Variants in RASSF5 observed in about 807,000 individuals in gnomAD.
The protein encoded by RASSF5 is ras association domain-containing protein 5.
Under a neutral mutation model 40.5 loss-of-function variants are expected in RASSF5, and 25 were observed. The observed-to-expected ratio is 0.62, with a 90% confidence interval of 0.45 to 0.86. The LOEUF (loss-of-function observed/expected upper bound fraction) is 0.86. Ranked by LOEUF, RASSF5 falls within the 40% of genes least tolerant of loss-of-function variation. The pLI, the probability that RASSF5 is intolerant of heterozygous loss-of-function variation, is 0.00. For synonymous variants in RASSF5, 246 were observed against 252.4 expected, an observed-to-expected ratio of 0.97 and a Z score of 0.24; for missense variants, 521 against 572.8, an observed-to-expected ratio of 0.91 and a Z score of 0.92.
chr1:206,568,457 G>A (rs780593549), intron 2 of RASSF5, among the ~76,000 whole-genome samples: 4 of 152,154 alleles, frequency 2.6e-5, no homozygotes, highest in Admixed American at 6.5e-5. Flanking sequence ...GGCTGCTGGC[G>A]CAAGTCTCAA....
Position 206,585,161 on chromosome 1 carries a change from A to C in RASSF5, c.989-19A>C, listed in dbSNP as rs59679417. On this transcript the variant is annotated intron_variant, in intron 4 of 5. Coordinates refer to ENST00000579436, the MANE Select transcript of RASSF5 (RefSeq NM_182663.4). ...TTCTTTTCTGGGAAGAGCTCCCAGCACCCTCTCTTGGTTTGCAGTGCTCTT... is the reference window on the plus strand; with the variant it reads ...TTCTTTTCTGGGAAGAGCTCCCAGCCCCCTCTCTTGGTTTGCAGTGCTCTT... 2.0e-3 allele frequency: 3,210 copies of C among 1,593,522 alleles called. 52 individuals are homozygous for C. In the African/African-American group the frequency reaches 0.036, roughly 18 times the overall value.
intron 2 of RASSF5, among the ~76,000 whole-genome samples, chr1:206,546,089 ATTTTTTTTTTTTTTTTTTTTTTTTTTT>A (rs10603701): frequency 4.1e-5 from 2 of 48,248 alleles, no homozygotes; most frequent in Non-Finnish European, 7.4e-5. Flanking sequence ...TTCTTTTTCT[ATTTTTTTTTTTTTTTTTTTTTTTTTTT>A]TTTTTTTTTT....
At chr1:206,578,824 A>G (rs1668758680) in intron 2 of RASSF5, among the ~76,000 whole-genome samples, 1 of 152,156 alleles carries the variant, frequency 6.6e-6, no homozygotes, top group Non-Finnish European at 1.5e-5. Flanking sequence ...TTAGGGCATT[A>G]GGTCACTCTC....
chr1:206,540,687 A>G (rs1667523651), intron 2 of RASSF5, among the ~76,000 whole-genome samples: 1 of 152,174 alleles, frequency 6.6e-6, no homozygotes, highest in Non-Finnish European at 1.5e-5. Flanking sequence ...GTTTGTGCTC[A>G]TTTCCGCCTT....
Position 206,535,054 on chromosome 1 carries a change from A to T in RASSF5, c.458-3118A>T, listed in dbSNP as rs557004600. ...GAGACCAGCCTGGGAAAAATGGTGAAACCCTTTTTTAATTAGCCAGGTGCA... is the reference window on the plus strand; with the variant it reads ...GAGACCAGCCTGGGAAAAATGGTGATACCCTTTTTTAATTAGCCAGGTGCA... On this transcript the variant is annotated intron_variant, in intron 1 of 5. Transcript: ENST00000579436. The surrounding 1 kb of genome is among the most constrained non-coding windows in gnomAD (Gnocchi z 5.0). Among the ~76,000 whole-genome samples the T allele has an allele frequency of 6.6e-6, 1 of 152,096 alleles. No homozygotes were observed. The highest frequency in any genetic ancestry group is 2.4e-5 in the African/African-American group (1 of 41,408).
Position 206,584,184 on chromosome 1 carries a change from T to C in RASSF5, c.691-203T>C, listed in dbSNP as rs1669009509. 6.6e-6 allele frequency among the ~76,000 whole-genome samples: 1 copy of C among 152,172 alleles called. No individual in the cohort carries two copies. Among genetic ancestry groups the C allele is most frequent in the South Asian group, 2.1e-4 (1 of 4,832 alleles). ...CCACTGCAGCCCCACAGGTCCTCTT[T>C]GGTAGCTGGATCCTGAGGGTCTTCT... On this transcript the variant is annotated intron_variant, in intron 3 of 5. Coordinates refer to ENST00000579436, the MANE Select transcript of RASSF5 (RefSeq NM_182663.4). The surrounding 1 kb of genome is among the most constrained non-coding windows in gnomAD (Gnocchi z 4.9).
At position 206,586,980 on chromosome 1, in the gene RASSF5, C is replaced by T. The variant is rs782401148; in HGVS notation, c.*2C>T. Reference sequence around the variant, plus strand: ...GAATCCCAGGGCAAACCTGGGTAACCGGTCCTGCTTCCTCTCCTCCTGGTG... The same window carrying T: ...GAATCCCAGGGCAAACCTGGGTAACTGGTCCTGCTTCCTCTCCTCCTGGTG... On this transcript the variant is annotated 3_prime_UTR_variant, in exon 6 of 6. Transcript: ENST00000579436. 5.9e-5 allele frequency: 96 copies of T among 1,614,006 alleles called. 2 individuals are homozygous for T. The South Asian group carries it at 7.5e-4, about 13-fold the overall frequency.
At chr1:206,562,175 C>T (rs1360736987) in intron 2 of RASSF5, among the ~76,000 whole-genome samples, 2 of 152,136 alleles carry the variant, frequency 1.3e-5, no homozygotes, top group Non-Finnish European at 2.9e-5. Flanking sequence ...CAGTCAGCTC[C>T]TCCCTGGACA....
intron 1 of RASSF5, among the ~76,000 whole-genome samples, 198 bp from the exon 2 acceptor site, chr1:206,537,974 G>A (rs375340576): frequency 2.5e-4 from 38 of 152,354 alleles, no homozygotes; most frequent in Middle Eastern, 3.4e-3. Flanking sequence ...TTGCAAACGC[G>A]TAGAGCACTT....
intron 1 of RASSF5, among the ~76,000 whole-genome samples, chr1:206,510,026 G>A (rs1311299673): frequency 6.6e-6 from 1 of 152,104 alleles, no homozygotes; most frequent in Non-Finnish European, 1.5e-5. Context: ...GGAATCGAGG[G>A]GCTACAGAAA....
chr1:206,560,596 T>C lies in RASSF5; in HGVS notation c.579+22303T>C, dbSNP rs989665729. On this transcript the variant is annotated intron_variant, in intron 2 of 5. Transcript: ENST00000579436. This position sits in a 1 kb window ranked among gnomAD's most constrained non-coding sequence, Gnocchi z 5.1. ...CAGTACTCTCCTGGTACTTTCCCAC[T>C]TGGCTAGGCACAATTAGATCGTGTT... 2.6e-5 allele frequency among the ~76,000 whole-genome samples: 4 copies of C among 152,244 alleles called. No homozygotes were observed. The highest frequency in any genetic ancestry group is 9.6e-5 in the African/African-American group (4 of 41,460).
At position 206,584,660 on chromosome 1, in the gene RASSF5, A is replaced by G. The variant is rs782316266; in HGVS notation, c.964A>G (p.Lys322Glu). Reference sequence around the variant, plus strand: ...CAATCCCCAGAAGTTTGCACTTTTTAAGCGGATACACAAGGACGGACAAGG... The same window carrying G: ...CAATCCCCAGAAGTTTGCACTTTTTGAGCGGATACACAAGGACGGACAAGG... ...VDNPQKFALFKRIHKDGQVLF... is the reference protein window; with the variant it reads ...VDNPQKFALFERIHKDGQVLF... The change falls in exon 4 of 6, where the codon AAG becomes GAG. Residue 322 changes from lysine to glutamate, a missense_variant. Coordinates refer to ENST00000579436, the MANE Select transcript of RASSF5 (RefSeq NM_182663.4). The surrounding 1 kb of genome is among the most constrained non-coding windows in gnomAD (Gnocchi z 4.9). The G allele has an allele frequency of 8.7e-6, 14 of 1,614,098 alleles. No individual in the cohort carries two copies. In the Admixed American group the frequency reaches 2.2e-4, roughly 25 times the overall value.
In RASSF5 at chr1:206,557,230, C is replaced by T. The variant is rs1358169247; in HGVS notation, c.579+18937C>T. The T allele has an allele frequency of 3.7e-6, 4 of 1,091,502 alleles. No individual in the cohort carries two copies. The African/African-American group carries it at 5.0e-5, about 14-fold the overall frequency. 67.6% of individuals were successfully genotyped at this position (1,091,502 alleles called of 1,614,324 possible). A position where few individuals can be genotyped will look rare whatever the true frequency, so the allele number is the denominator to read the frequency against. On this transcript the variant is annotated intron_variant, in intron 2 of 5. Coordinates refer to ENST00000579436, the MANE Select transcript of RASSF5 (RefSeq NM_182663.4). ...GGGGAGGTGCGGAGATGGCGCTCTG[C>T]ACGGCGGCGGAGGGAGGGCGCTGGC...
intron 2 of RASSF5, among the ~76,000 whole-genome samples, chr1:206,573,383 C>T (rs1404863213): frequency 1.3e-5 from 2 of 152,200 alleles, no homozygotes; most frequent in East Asian, 3.8e-4. Context: ...AAGCCAAATA[C>T]ACACTCATGT....
At chr1:206,551,753 C>A (rs1667847811) in intron 2 of RASSF5, among the ~76,000 whole-genome samples, 1 of 152,230 alleles carries the variant, frequency 6.6e-6, no homozygotes, top group African/African-American at 2.4e-5. Context: ...ACCCTAGAAG[C>A]AGTGGGCTTC....
At chr1:206,532,599 C>A (rs556633387) in intron 1 of RASSF5, among the ~76,000 whole-genome samples, 1 of 152,174 alleles carries the variant, frequency 6.6e-6, no homozygotes, top group Non-Finnish European at 1.5e-5. Context: ...TCAGAGAATG[C>A]GCATACGTTC....
At position 206,588,097 on chromosome 1, in the gene RASSF5, CCG is replaced by C. The variant is rs1669196306; in HGVS notation, c.*1120_*1121del. ...CAGACCCGGCACTGCGCTCGGAGAG[CCG>C]GTGGGCCTGGCCTCCCCGTCGACCT... On this transcript the variant is annotated 3_prime_UTR_variant, in exon 6 of 6. Coordinates refer to ENST00000579436, the MANE Select transcript of RASSF5 (RefSeq NM_182663.4). 1 of 152,798 alleles carries C rather than the reference CCG, an allele frequency of 6.5e-6. No homozygotes were observed. The highest frequency in any genetic ancestry group is 1.5e-5 in the Non-Finnish European group (1 of 68,064). The allele number at this position is 152,798 out of a possible 1,614,324, so 9.5% of individuals were successfully genotyped here.
chr1:206,545,666 T>C (rs1427023751), intron 2 of RASSF5, among the ~76,000 whole-genome samples: 1 of 152,194 alleles, frequency 6.6e-6, no homozygotes, highest in Non-Finnish European at 1.5e-5. Flanking sequence ...TTAATTGACC[T>C]GTGTATCATT....
Position 206,533,961 on chromosome 1 carries a change from G to T in RASSF5, c.458-4211G>T, listed in dbSNP as rs782035626. ...ACACAGAGGCTGGAGTCATGCAGCT[G>T]CACACCAAGGAATCCAGCAAATCAT... is the stretch of plus-strand genomic sequence containing the variant. On this transcript the variant is annotated intron_variant, in intron 1 of 5. Transcript: ENST00000579436. Among the ~76,000 whole-genome samples the T allele has an allele frequency of 5.3e-5, 8 of 152,168 alleles. 1 individual carries two copies. Among genetic ancestry groups the T allele is most frequent in the Non-Finnish European group, 7.3e-5 (5 of 68,030 alleles).
Sources: allele counts gnomAD v4.1 joint callset (sites outside exome capture counted in the v4.1 genomes callset), GRCh38; gene constraint gnomAD v4.1.1; non-coding constraint Gnocchi (gnomAD v3.1); transcripts MANE v1.5; gene names NCBI Gene and HGNC (gene_info 2026-07-23, HGNC 2026-07-21).